CCDC126: variants seen among roughly 807,000 people sequenced by gnomAD.
CCDC126 encodes the protein coiled-coil domain-containing protein 126.
In CCDC126, 5 loss-of-function variants were observed where a neutral mutation model predicts 11.7. The observed-to-expected ratio is 0.43, with a 90% CI of 0.22 to 0.90. CCDC126 has a LOEUF of 0.90. Ranked by LOEUF, CCDC126 falls within the 40% of genes least tolerant of loss-of-function variation. The probability of loss-of-function intolerance (pLI) is 0.27; values close to 1 mark genes in which losing one functional copy is unlikely to be tolerated. For missense variants in CCDC126, 150 were observed against 163.1 expected, an observed-to-expected ratio of 0.92 and a Z score of 0.44; for synonymous variants, 60 against 61.9, an observed-to-expected ratio of 0.97 and a Z score of 0.14.
rs186778891 is a variant in CCDC126, at chr7:23,603,135, A to G, written c.-146+5084A>G. Among the ~76,000 whole-genome samples the G allele has an allele frequency of 5.5e-4, 83 of 152,262 alleles. 2 individuals are homozygous for G. In the East Asian group the frequency reaches 0.013, roughly 24 times the overall value. On this transcript the variant is annotated intron_variant, in intron 2 of 3. Transcript: ENST00000307471. ...TGTGTTATCACTATGTTTACTGATC[A>G]TGGTGAAGGTCTCTACCTTTAGAAG...
intron 3 of CCDC126, among the ~76,000 whole-genome samples, chr7:23,634,754 G>A (rs1281671976): frequency 6.6e-6 from 1 of 152,128 alleles, no homozygotes; most frequent in Non-Finnish European, 1.5e-5. Flanking sequence ...TCTTCTTCAG[G>A]TGGGGTCTCT....
chr7:23,609,330 T>C (rs1584196056), intron 2 of CCDC126, among the ~76,000 whole-genome samples: 1 of 151,996 alleles, frequency 6.6e-6, no homozygotes, highest in South Asian at 2.1e-4. Flanking sequence ...ATTACAAGCA[T>C]GCGCCACCAC....
At chr7:23,637,850 C>G (rs1316251427) in intron 3 of CCDC126, among the ~76,000 whole-genome samples, 2 of 118,036 alleles carry the variant, frequency 1.7e-5, no homozygotes. Flanking sequence ...GGGGGGTCAG[C>G]CCCCCGCCCG....
intron 3 of CCDC126, among the ~76,000 whole-genome samples, chr7:23,630,907 C>A (rs1023739764): frequency 1.3e-5 from 2 of 151,510 alleles, no homozygotes; most frequent in African/African-American, 4.8e-5. Context: ...GGAAACTGGA[C>A]AACATACTTC....
chr7:23,615,596 A>G (rs983796934), intron 3 of CCDC126, among the ~76,000 whole-genome samples: 18 of 152,112 alleles, frequency 1.2e-4, no homozygotes, highest in African/African-American at 4.3e-4. Flanking sequence ...AAATTTAATC[A>G]TTTCTGGCTT....
At chr7:23,613,335 A>G (rs1275678750) in intron 3 of CCDC126, among the ~76,000 whole-genome samples, 3 of 152,068 alleles carry the variant, frequency 2.0e-5, no homozygotes, top group Non-Finnish European at 2.9e-5. Context: ...TGGTACATGC[A>G]TGTATTTAAA....
Position 23,611,216 on chromosome 7 carries a change from A to T in CCDC126, c.-100A>T. On this transcript the variant is annotated 5_prime_UTR_variant, in exon 3 of 4. Transcript: ENST00000307471. ...CCTTGCTGAAGATGAAGAATATACA[A>T]TATTGAGGATATTTTTTTCTTTTTT... 1.4e-6 allele frequency: 1 copy of T among 734,938 alleles called. No homozygotes were observed. The highest frequency in any genetic ancestry group is 2.4e-6 in the Non-Finnish European group (1 of 422,366). 45.5% of individuals were successfully genotyped at this position (734,938 alleles called of 1,614,324 possible).
chr7:23,600,636 G>A (rs911317223), intron 2 of CCDC126, among the ~76,000 whole-genome samples: 28 of 152,248 alleles, frequency 1.8e-4, no homozygotes, highest in African/African-American at 6.7e-4. Context: ...TTGGCTGAGT[G>A]AAAGCTTCTC....
intron 3 of CCDC126, among the ~76,000 whole-genome samples, chr7:23,625,214 TG>T (rs1782992910): frequency 6.6e-6 from 1 of 152,220 alleles, no homozygotes; most frequent in Non-Finnish European, 1.5e-5. Flanking sequence ...GAACTTTTTT[TG>T]TGTGTTTTAT....
In CCDC126 at chr7:23,644,116, ATATAAGAG is replaced by A. The variant is rs548018565; in HGVS notation, c.*1005_*1012del. On this transcript the variant is annotated 3_prime_UTR_variant, in exon 4 of 4. Coordinates refer to ENST00000307471, the MANE Select transcript of CCDC126 (RefSeq NM_138771.4). ...GCTTGGAAAATGTTAACATTATATT[ATATAAGAG>A]TATCCTTTATGAAATTTTGAATTTG... 18 of 152,158 alleles carry A rather than the reference ATATAAGAG, an allele frequency of 1.2e-4. 2 individuals are homozygous for A. The South Asian group carries it at 3.7e-3, about 32-fold the overall frequency. 9.4% of individuals were successfully genotyped at this position (152,158 alleles called of 1,614,324 possible). A position where few individuals can be genotyped will look rare whatever the true frequency, so the allele number is the denominator to read the frequency against.
chr7:23,631,499 G>A (rs1363287165), intron 3 of CCDC126, among the ~76,000 whole-genome samples: 3 of 152,162 alleles, frequency 2.0e-5, no homozygotes, highest in Non-Finnish European at 4.4e-5. Flanking sequence ...AAGTGCGGTG[G>A]CTCACGTCTG....
At chr7:23,598,174 A>G (rs1320318455) in intron 2 of CCDC126, 123 bp downstream of exon 2, 2 of 152,234 alleles carry the variant, frequency 1.3e-5, no homozygotes, top group Non-Finnish European at 2.9e-5. Flanking sequence ...GATCTTGGTT[A>G]CTTAAAGGCT....
intron 3 of CCDC126, among the ~76,000 whole-genome samples, chr7:23,628,745 G>A (rs1473411350): frequency 3.3e-5 from 5 of 152,170 alleles, no homozygotes; most frequent in African/African-American, 1.2e-4. Context: ...GTAACGAACT[G>A]TTCATCTCCC....
At chr7:23,624,101 G>C (rs1349805398) in intron 3 of CCDC126, among the ~76,000 whole-genome samples, 1 of 152,138 alleles carries the variant, frequency 6.6e-6, no homozygotes, top group East Asian at 1.9e-4. Flanking sequence ...AGCTTTCTCA[G>C]GTCTGCTAAG....
chr7:23,621,628 T>C (rs988677024), intron 3 of CCDC126, among the ~76,000 whole-genome samples: 1 of 152,024 alleles, frequency 6.6e-6, no homozygotes, highest in Non-Finnish European at 1.5e-5. Context: ...TGAATAGGAG[T>C]GGTGAGAGAG....
intron 3 of CCDC126, among the ~76,000 whole-genome samples, chr7:23,639,744 A>G (rs1484117344): frequency 1.3e-5 from 2 of 152,134 alleles, no homozygotes; most frequent in African/African-American, 4.8e-5. Flanking sequence ...CTCACTTTAT[A>G]TTACATTTCT....
intron 3 of CCDC126, among the ~76,000 whole-genome samples, chr7:23,637,366 G>A (rs1783249975): frequency 4.7e-5 from 1 of 21,274 alleles, no homozygotes; most frequent in Non-Finnish European, 1.1e-4. Flanking sequence ...GCCTCTGCCC[G>A]GCCGCCCCTA....
At chr7:23,628,432 A>T (rs1783050356) in intron 3 of CCDC126, among the ~76,000 whole-genome samples, 1 of 152,180 alleles carries the variant, frequency 6.6e-6, no homozygotes, top group Admixed American at 6.5e-5. Context: ...AGCCAAGAAA[A>T]GGCAGCCTAG....
Position 23,611,226 on chromosome 7 carries a change from T to C in CCDC126, c.-90T>C. 1.3e-6 allele frequency: 1 copy of C among 773,286 alleles called. No homozygotes were observed. The allele number at this position is 773,286 out of a possible 1,614,324, so 47.9% of individuals were successfully genotyped here. ...GATGAAGAATATACAATATTGAGGA[T>C]ATTTTTTTCTTTTTTTTTTCAAGTC... is the stretch of plus-strand genomic sequence containing the variant. On this transcript the variant is annotated 5_prime_UTR_variant, in exon 3 of 4. Coordinates refer to ENST00000307471, the MANE Select transcript of CCDC126 (RefSeq NM_138771.4).
Sources: gnomAD v4.1 joint callset for allele counts (sites outside exome capture counted in the v4.1 genomes callset) on GRCh38, gnomAD v4.1.1 for gene constraint, MANE v1.5 for transcripts, NCBI Gene and HGNC (gene_info 2026-07-23, HGNC 2026-07-21) for gene names.